Variants in CSMD1 observed in about 807,000 individuals in gnomAD.
The protein encoded by CSMD1 is CUB and Sushi multiple domains 1.
A neutral mutation model predicts 417.5 loss-of-function variants in CSMD1; 213 were observed. The observed-to-expected ratio is 0.51, with a 90% CI of 0.46 to 0.57. CSMD1 has a LOEUF of 0.57. CSMD1 is among the 20% of genes least tolerant of loss of function. The pLI is 0.00. For synonymous variants in CSMD1, 2,862 were observed against 1,736.8 expected (o/e 1.65, Z -16.11); for missense variants, 6,923 against 4,529.7 (o/e 1.53, Z -15.17).
chr8:4,197,339 C>G (rs1799397409), intron 3 of CSMD1, among the ~76,000 whole-genome samples: 1 of 152,018 alleles, frequency 6.6e-6, no homozygotes, highest in Admixed American at 6.6e-5. Context: ...CATAGGATGC[C>G]CAGATATTTG....
intron 2 of CSMD1, among the ~76,000 whole-genome samples, chr8:4,469,224 G>T (rs1351918265): frequency 6.6e-6 from 1 of 152,064 alleles, no homozygotes; most frequent in South Asian, 2.1e-4. Context: ...AAGACCTAAG[G>T]AAAGGAAAGC....
intron 2 of CSMD1, among the ~76,000 whole-genome samples, chr8:4,620,213 G>C (rs912315061): frequency 2.6e-5 from 4 of 151,516 alleles, no homozygotes; most frequent in Admixed American, 6.6e-5. Context: ...GTAATATGGA[G>C]AATTATTTGA....
At chr8:3,338,295 G>C (rs909091717) in intron 23 of CSMD1, among the ~76,000 whole-genome samples, 5 of 152,212 alleles carry the variant, frequency 3.3e-5, no homozygotes, top group Non-Finnish European at 2.9e-5. Context: ...TGGGTGCTGG[G>C]CGTTTCTTGA....
At chr8:4,162,169 T>C (rs888749214) in intron 3 of CSMD1, among the ~76,000 whole-genome samples, 2 of 152,220 alleles carry the variant, frequency 1.3e-5, no homozygotes, top group Non-Finnish European at 2.9e-5. Flanking sequence ...TTTCCCTGCC[T>C]GCTTTGCGCA....
intron 26 of CSMD1, among the ~76,000 whole-genome samples, chr8:3,240,515 C>G (rs368074285): frequency 1.6e-4 from 25 of 151,728 alleles, no homozygotes; most frequent in African/African-American, 6.1e-4. Context: ...AGAATTACGC[C>G]GAGATAGGTA....
chr8:3,493,366 G>A (rs933239091), intron 11 of CSMD1, among the ~76,000 whole-genome samples: 1 of 151,100 alleles, frequency 6.6e-6, no homozygotes, highest in Non-Finnish European at 1.5e-5. Flanking sequence ...TACCTCATGA[G>A]TATACTAATT....
intron 3 of CSMD1, among the ~76,000 whole-genome samples, chr8:4,349,902 T>A (rs1800990392): frequency 6.6e-6 from 1 of 151,880 alleles, no homozygotes; most frequent in African/African-American, 2.4e-5. Context: ...CAAAATATAT[T>A]AGCAAAAAGG....
intron 1 of CSMD1, among the ~76,000 whole-genome samples, chr8:4,827,659 T>C (rs1223188182): frequency 3.9e-5 from 6 of 152,186 alleles, no homozygotes; most frequent in Non-Finnish European, 8.8e-5. Flanking sequence ...CTTCTCGAAA[T>C]GCTTACTCTG....
chr8:3,943,518 G>T (rs1489303269), intron 5 of CSMD1, among the ~76,000 whole-genome samples: 1 of 150,198 alleles, frequency 6.7e-6, no homozygotes, highest in African/African-American at 2.4e-5. Context: ...ATTGAAAATG[G>T]AATCTGTACA....
intron 3 of CSMD1, among the ~76,000 whole-genome samples, chr8:4,166,363 G>A (rs958312110): frequency 6.6e-6 from 1 of 152,148 alleles, no homozygotes; most frequent in Non-Finnish European, 1.5e-5. Flanking sequence ...TACAGCACAT[G>A]TTATTTGGAT....
In CSMD1 at chr8:4,441,862, G is replaced by C. The variant is rs147576587; in HGVS notation, c.303-21797C>G. Among the ~76,000 whole-genome samples, 504 of 152,198 alleles carry C rather than the reference G, an allele frequency of 3.3e-3. 1 individual carries two copies. The highest frequency in any genetic ancestry group is 0.011 in the African/African-American group (466 of 41,508). ...AAAGCATGAACGAAAATTCCAGAAA[G>C]ATTTGAGTTATTTTAAAGTATGCTG... On this transcript the variant is annotated intron_variant, in intron 2 of 69. Coordinates refer to ENST00000635120, the MANE Select transcript of CSMD1 (RefSeq NM_033225.6).
At chr8:3,350,151 GTGTA>G (rs66995410) in intron 21 of CSMD1, among the ~76,000 whole-genome samples, 40,816 of 107,790 alleles carry the variant, frequency 0.38, 11,730 homozygotes, top group Admixed American at 0.51. Flanking sequence ...ATAATAACTT[GTGTA>G]TGTGTGTGTT....
At chr8:4,248,703 A>G (rs570556347) in intron 3 of CSMD1, among the ~76,000 whole-genome samples, 61 of 152,278 alleles carry the variant, frequency 4.0e-4, no homozygotes, top group Non-Finnish European at 7.1e-4. Context: ...CAACACTTGT[A>G]TCCTGCTCTT....
intron 2 of CSMD1, among the ~76,000 whole-genome samples, chr8:4,530,904 T>A (rs1301526416): frequency 6.6e-6 from 1 of 152,164 alleles, no homozygotes; most frequent in South Asian, 2.1e-4. Flanking sequence ...ATACCGGAAC[T>A]ACAGCTGAGC....
chr8:4,187,241 G>C (rs1171714605), intron 3 of CSMD1, among the ~76,000 whole-genome samples: 1 of 152,178 alleles, frequency 6.6e-6, no homozygotes, highest in South Asian at 2.1e-4. Flanking sequence ...ACTTTAACAT[G>C]TGCTTATGGC....
At chr8:3,806,089 G>C (rs1352926226) in intron 5 of CSMD1, among the ~76,000 whole-genome samples, 2 of 152,098 alleles carry the variant, frequency 1.3e-5, no homozygotes, top group South Asian at 2.1e-4. Flanking sequence ...TGGTTTAGTG[G>C]TCTCCAATAT....
At chr8:3,618,390 G>T (rs1371618486) in intron 7 of CSMD1, among the ~76,000 whole-genome samples, 1 of 151,862 alleles carries the variant, frequency 6.6e-6, no homozygotes, top group East Asian at 1.9e-4. Context: ...TATATTATGT[G>T]GTTTCATTCT....
At chr8:3,985,400 T>C (rs556032535) in intron 5 of CSMD1, among the ~76,000 whole-genome samples, 38 of 152,278 alleles carry the variant, frequency 2.5e-4, no homozygotes, top group Admixed American at 4.6e-4. Context: ...AATATACATC[T>C]ACCCTCTTGT....
chr8:4,298,649 A>T (rs2128871797), intron 3 of CSMD1, among the ~76,000 whole-genome samples: 1 of 152,266 alleles, frequency 6.6e-6, no homozygotes, highest in East Asian at 1.9e-4. Flanking sequence ...ATTTAGTTTT[A>T]ATACAGTTCT....
Sources: gnomAD v4.1 joint callset for allele counts (sites outside exome capture counted in the v4.1 genomes callset) on GRCh38, gnomAD v4.1.1 for gene constraint, MANE v1.5 for transcripts, NCBI Gene and HGNC (gene_info 2026-07-23, HGNC 2026-07-21) for gene names.